TMEM184A: variants seen among roughly 807,000 people sequenced by gnomAD.
TMEM184A encodes transmembrane protein 184A, also known as sexually dimorphic, expressed in male gonads 1.
TMEM184A carries 40 observed loss-of-function variants against 39.5 expected under a neutral mutation model. The observed-to-expected ratio is 1.01, with a 90% CI of 0.79 to 1.32. The LOEUF is 1.32. Among genes scored for constraint, TMEM184A ranks in the 40% most tolerant of loss-of-function variants. The pLI is 0.00. For synonymous variants in TMEM184A, 280 were observed against 252.3 expected (o/e 1.11, Z -1.04); for missense variants, 603 against 568.8 (o/e 1.06, Z -0.61).
intron 5 of TMEM184A, 68 bp from the exon 6 acceptor site, chr7:1,550,013 C>A: frequency 6.3e-7 from 1 of 1,598,674 alleles, no homozygotes; most frequent in Non-Finnish European, 8.5e-7. Flanking sequence ...GGGATTGGGG[C>A]AGCCAGCAAT....
intron 6 of TMEM184A, 48 bp downstream of exon 6, chr7:1,549,806 G>A: frequency 2.0e-6 from 3 of 1,520,400 alleles, no homozygotes; most frequent in South Asian, 2.5e-5. Context: ...GGCCCCGGGG[G>A]ACCCAGTGCC....
In TMEM184A at chr7:1,555,559, G is replaced by T; in HGVS notation, c.1-75C>A. On this transcript the variant is annotated intron_variant, in intron 1 of 8. Coordinates refer to ENST00000297477, the MANE Select transcript of TMEM184A (RefSeq NM_001097620.2). The surrounding 1 kb of genome is among the most constrained non-coding windows in gnomAD (Gnocchi z 5.2). The stretch of plus-strand genomic sequence containing the variant: ...TGGCTCCCGGCAGCAGGAAGCAGCG[G>T]GGGAGGGAGGAGACAGTGAGACGGG... 8.7e-7 allele frequency: 1 copy of T among 1,146,112 alleles called. No individual in the cohort carries two copies. The highest frequency in any genetic ancestry group is 2.7e-4 in the Middle Eastern group (1 of 3,746). The allele number at this position is 1,146,112 out of a possible 1,614,324, so 71.0% of individuals were successfully genotyped here. A position where few individuals can be genotyped will look rare whatever the true frequency, so the allele number is the denominator to read the frequency against.
At chr7:1,554,484 CCGTGTGGCCCTCG>C (rs1778469213) in intron 2 of TMEM184A, among the ~76,000 whole-genome samples, 1 of 152,218 alleles carries the variant, frequency 6.6e-6, no homozygotes, top group African/African-American at 2.4e-5. Flanking sequence ...ATCCCTGCAG[CCGTGTGGCCCTCG>C]CGGGCCTACA....
In TMEM184A at chr7:1,548,580, G is replaced by C. The variant is rs763770643; in HGVS notation, c.753C>G (p.Pro251=). 33 of 1,613,770 alleles carry C rather than the reference G, an allele frequency of 2.0e-5. No homozygotes were observed. Among genetic ancestry groups the C allele is most frequent in the Non-Finnish European group, 2.6e-5 (31 of 1,179,978 alleles). ...TGAGGAACTTGAGGACGGGCTGGAA[G>C]GGCCGCAGGAGCTCCCTGGTGGTGA... The part of the protein sequence containing the change: ...FYFTTRELLR[P]FQPVLKFLTI... The change falls in exon 7 of 9, where the codon CCC becomes CCG. Residue 251 remains proline, a synonymous_variant. Transcript: ENST00000297477.
At chr7:1,547,641 C>T (rs879226812) in intron 8 of TMEM184A, 101 bp downstream of exon 8, 21 of 1,280,126 alleles carry the variant, frequency 1.6e-5, no homozygotes, top group East Asian at 2.5e-5. Flanking sequence ...CCCTGCCCAG[C>T]GAGCTGGCAT....
At chr7:1,552,626 C>A (rs1784647671) in intron 2 of TMEM184A, among the ~76,000 whole-genome samples, 2 of 151,878 alleles carry the variant, frequency 1.3e-5, no homozygotes, top group African/African-American at 4.8e-5. Flanking sequence ...TTTCTAGAGC[C>A]CAGCTAAGTG....
chr7:1,548,762 CT>C, intron 6 of TMEM184A, 74 bp from the exon 7 acceptor site: 3 of 1,534,280 alleles, frequency 2.0e-6, no homozygotes, highest in Non-Finnish European at 2.7e-6. Context: ...GCCACCGCCG[CT>C]GCACCCTCAG....
At position 1,542,261 on chromosome 7, in the gene TMEM184A, TTATC is replaced by T. The variant is rs1321473640; in HGVS notation, c.*4687_*4690del. 57 of 152,748 alleles carry T rather than the reference TTATC, an allele frequency of 3.7e-4. No homozygotes were observed. Among genetic ancestry groups the T allele is most frequent in the East Asian group, 1.9e-4 (1 of 5,186 alleles). 9.5% of individuals were successfully genotyped at this position (152,748 alleles called of 1,614,324 possible). On this transcript the variant is annotated 3_prime_UTR_variant, in exon 9 of 9. Transcript: ENST00000297477. ...AGAGATATAAAATTATATTCACAGT[TTATC>T]TACAGATTTTTCGTAACAATCTTTC...
rs780897295 is a variant in TMEM184A at position 1,547,756 on chromosome 7, T to C, written c.998A>G (p.Lys333Arg). The C allele has an allele frequency of 3.7e-6, 6 of 1,612,350 alleles. No individual in the cohort carries two copies. The East Asian group carries it at 1.1e-4, about 30-fold the overall frequency. Residue 333 changes from lysine (K) to arginine (R), a missense_variant, in exon 8 of 9, where the codon AAG becomes AGG. Transcript: ENST00000297477. ...GCAGGGTGTACCTGGTGAATTCTCC[T>C]TCTTCTCTGCGTACACCTGGCAGGG... is the stretch of plus-strand genomic sequence containing the variant. ...AFPCQVYAEK[K>R]ENSPAPPAPM...
chr7:1,548,495 CCCTGCCCCA>C lies in TMEM184A; in HGVS notation c.814+15_814+23del. On this transcript the variant is annotated intron_variant, in intron 7 of 8. Coordinates refer to ENST00000297477, the MANE Select transcript of TMEM184A (RefSeq NM_001097620.2). The stretch of plus-strand genomic sequence containing the variant: ...ACTGCAGCCCCCACCTCGGTAGCAC[CCCTGCCCCA>C]CCTGCCCCACACACCTTGCCAGAAC... 1.2e-6 allele frequency: 2 copies of C among 1,600,404 alleles called. No individual in the cohort carries two copies. Among genetic ancestry groups the C allele is most frequent in the African/African-American group, 1.3e-5 (1 of 74,910 alleles).
intron 8 of TMEM184A, 86 bp from the exon 9 acceptor site, chr7:1,547,267 T>A: frequency 1.3e-6 from 1 of 773,894 alleles, no homozygotes; most frequent in Non-Finnish European, 2.1e-6. Flanking sequence ...CCCAGGGCTG[T>A]AGCTCCTGCA....
In TMEM184A at chr7:1,546,875, G is replaced by A. The variant is rs1784363362; in HGVS notation, c.*77C>T. The A allele has an allele frequency of 9.9e-7, 1 of 1,011,406 alleles. No homozygotes were observed. Among genetic ancestry groups the A allele is most frequent in the African/African-American group, 1.6e-5 (1 of 61,072 alleles). The allele number at this position is 1,011,406 out of a possible 1,614,324, so 62.7% of individuals were successfully genotyped here. A position where few individuals can be genotyped will look rare whatever the true frequency, so the allele number is the denominator to read the frequency against. On this transcript the variant is annotated 3_prime_UTR_variant, in exon 9 of 9. Coordinates refer to ENST00000297477, the MANE Select transcript of TMEM184A (RefSeq NM_001097620.2). ...AGAGGCCCCACCTTTGGCAGGAGTT[G>A]GTGGGTGGGGGGACCCTGTTCTTCC...
intron 2 of TMEM184A, among the ~76,000 whole-genome samples, chr7:1,551,401 A>C (rs112572120): frequency 0.011 from 987 of 93,420 alleles, 6 homozygotes; most frequent in African/African-American, 0.048. Context: ...ACCCCTGCAC[A>C]AGCCCAGGTG....
intron 8 of TMEM184A, 108 bp downstream of exon 8, chr7:1,547,634 T>C: frequency 1.6e-6 from 2 of 1,235,850 alleles, no homozygotes; most frequent in Non-Finnish European, 2.3e-6. Flanking sequence ...CCCGTCTCCC[T>C]GCCCAGCGAG....
At position 1,555,433 on chromosome 7, in the gene TMEM184A, C is replaced by A; in HGVS notation, c.52G>T (p.Ala18Ser). The change falls in exon 2 of 9, where the codon GCG becomes TCG. Residue 18 changes from alanine to serine, a missense_variant. Ala to Ser is a moderately conservative substitution (Grantham distance 99, BLOSUM62 1). Coordinates refer to ENST00000297477, the MANE Select transcript of TMEM184A (RefSeq NM_001097620.2). This position sits in a 1 kb window ranked among gnomAD's most constrained non-coding sequence, Gnocchi z 5.2. The part of the protein sequence containing the change: ...LETAGVPLVS[A>S]NWPQPSPPPA... ...GGGGGGCTGGGCTGCGGCCAGTTCG[C>A]TGACACCAGGGGGACGCCGGCTGTC... 2.5e-6 allele frequency: 4 copies of A among 1,611,090 alleles called. No homozygotes were observed. The highest frequency in any genetic ancestry group is 3.4e-6 in the Non-Finnish European group (4 of 1,179,732).
At position 1,545,187 on chromosome 7, in the gene TMEM184A, T is replaced by C. The variant is rs1424112428; in HGVS notation, c.*1765A>G. 6.6e-6 allele frequency: 1 copy of C among 151,784 alleles called. No homozygotes were observed. Among genetic ancestry groups the C allele is most frequent in the African/African-American group, 2.4e-5 (1 of 41,254 alleles). The allele number at this position is 151,784 out of a possible 1,614,324, so 9.4% of individuals were successfully genotyped here. A position where few individuals can be genotyped will look rare whatever the true frequency, so the allele number is the denominator to read the frequency against. ...GGTCCCTGGGGACCTGCTGACAGAGTGAGACACGGGGGCCGCCTGGTGGGT... is the reference window on the plus strand; with the variant it reads ...GGTCCCTGGGGACCTGCTGACAGAGCGAGACACGGGGGCCGCCTGGTGGGT... On this transcript the variant is annotated 3_prime_UTR_variant, in exon 9 of 9. Coordinates refer to ENST00000297477, the MANE Select transcript of TMEM184A (RefSeq NM_001097620.2).
rs776530439 is a variant in TMEM184A at position 1,549,824 on chromosome 7, T to G, written c.644+30A>C. On this transcript the variant is annotated intron_variant, in intron 6 of 8. Coordinates refer to ENST00000297477, the MANE Select transcript of TMEM184A (RefSeq NM_001097620.2). ...CCCGGGGGACCCAGTGCCCACCTCA[T>G]GCCAGGTGTCCCCGCAGCTCCCGCC... The G allele has an allele frequency of 2.6e-6, 4 of 1,563,492 alleles. No homozygotes were observed. The South Asian group carries it at 3.6e-5, about 14-fold the overall frequency.
intron 8 of TMEM184A, 66 bp downstream of exon 8, chr7:1,547,676 A>G: frequency 6.7e-7 from 1 of 1,501,660 alleles, no homozygotes; most frequent in Non-Finnish European, 9.1e-7. Context: ...AATGGCACGG[A>G]CACAGACACG....
intron 3 of TMEM184A, 121 bp downstream of exon 3, chr7:1,550,696 C>T: frequency 7.8e-7 from 1 of 1,282,104 alleles, no homozygotes; most frequent in Non-Finnish European, 1.1e-6. Context: ...TCCTGGCAGC[C>T]CCTCTGACGG....
Sources: allele counts gnomAD v4.1 joint callset (sites outside exome capture counted in the v4.1 genomes callset), GRCh38; gene constraint gnomAD v4.1.1; non-coding constraint Gnocchi (gnomAD v3.1); transcripts MANE v1.5; gene names NCBI Gene and HGNC (gene_info 2026-07-23, HGNC 2026-07-21).